Variants in DPP6 observed in about 807,000 individuals in gnomAD.
The protein encoded by DPP6 is A-type potassium channel modulatory protein DPP6.
A neutral mutation model predicts 122.6 loss-of-function variants in DPP6; 69 were observed. The observed-to-expected ratio is 0.56, with a 90% CI of 0.46 to 0.69. DPP6 has a LOEUF of 0.69. DPP6 is among the 30% of genes least tolerant of loss of function. The pLI, the probability that DPP6 is intolerant of heterozygous loss-of-function variation, is 0.00. For synonymous variants in DPP6, 418 were observed against 433.1 expected (o/e 0.97, Z 0.43); for missense variants, 928 against 1,116.9 (o/e 0.83, Z 2.41).
chr7:154,300,630 T>G (rs1805842153), intron 1 of DPP6, among the ~76,000 whole-genome samples: 1 of 152,014 alleles, frequency 6.6e-6, no homozygotes, highest in Admixed American at 6.6e-5. Flanking sequence ...ACACAGGACG[T>G]GTGTATACGT....
chr7:154,390,058 T>C (rs890152622), intron 1 of DPP6, among the ~76,000 whole-genome samples: 1 of 152,218 alleles, frequency 6.6e-6, no homozygotes, highest in African/African-American at 2.4e-5. Flanking sequence ...GGTAGTACAA[T>C]GGTATGAGTG....
chr7:154,480,806 T>C (rs1271203502), intron 3 of DPP6, among the ~76,000 whole-genome samples: 1 of 151,760 alleles, frequency 6.6e-6, no homozygotes, highest in Non-Finnish European at 1.5e-5. Context: ...AAACCAAAAA[T>C]ACAAAAGAAA....
intron 1 of DPP6, among the ~76,000 whole-genome samples, chr7:154,032,176 T>C (rs1017729916): frequency 2.0e-5 from 3 of 152,108 alleles, no homozygotes; most frequent in African/African-American, 7.2e-5. Flanking sequence ...CCCATTCTTA[T>C]AAGCATCAGA....
chr7:154,608,352 G>A (rs1268487933), intron 5 of DPP6, among the ~76,000 whole-genome samples: 2 of 83,874 alleles, frequency 2.4e-5, no homozygotes, highest in African/African-American at 6.9e-5. Flanking sequence ...TTTTGAGATG[G>A]AATCTCGCTC....
At chr7:153,760,808 C>A in the DPP6 span, among the ~76,000 whole-genome samples, 1 of 152,126 alleles carries the variant, frequency 6.6e-6, no homozygotes, top group Admixed American at 6.6e-5. Context: ...TCCAATACTT[C>A]CAGGTTATTC....
rs1469911888 is a variant in DPP6 at position 154,845,840 on chromosome 7, C to T, written c.1667-7940C>T. Among the ~76,000 whole-genome samples the T allele has an allele frequency of 4.6e-5, 7 of 152,162 alleles. No individual in the cohort carries two copies. In the South Asian group the frequency reaches 6.2e-4, roughly 14 times the overall value. ...AACTGTTTCGACTTTCAGTGTAGACCGTATTATTGTTCCCCATGTTTCACA... is the reference window on the plus strand; with the variant it reads ...AACTGTTTCGACTTTCAGTGTAGACTGTATTATTGTTCCCCATGTTTCACA... On this transcript the variant is annotated intron_variant, in intron 16 of 25. Coordinates refer to ENST00000377770, the MANE Select transcript of DPP6 (RefSeq NM_130797.4).
At chr7:153,893,495 G>T (rs536134408) in intron 1 of DPP6, among the ~76,000 whole-genome samples, 2 of 152,238 alleles carry the variant, frequency 1.3e-5, no homozygotes, top group Non-Finnish European at 2.9e-5. Flanking sequence ...AGCATAGGCT[G>T]TGCATTTGTG....
chr7:154,029,964 G>A (rs1342798723), intron 1 of DPP6, among the ~76,000 whole-genome samples: 1 of 152,050 alleles, frequency 6.6e-6, no homozygotes, highest in Non-Finnish European at 1.5e-5. Flanking sequence ...GGGAAGCTGA[G>A]GGGGGCAGAT....
At position 154,063,620 on chromosome 7, in the gene DPP6, G is replaced by A. The variant is rs1178519075; in HGVS notation, c.243+10557G>A. On this transcript the variant is annotated intron_variant, in intron 1 of 25. Transcript: ENST00000377770. ...TCGCAGTGAGGGAGGCACCCCCCAC[G>A]AGGCAGGGACTGAGAGCCACTCCCT... Among the ~76,000 whole-genome samples the A allele has an allele frequency of 5.6e-5, 7 of 125,284 alleles. 1 individual carries two copies. Among genetic ancestry groups the A allele is most frequent in the East Asian group, 2.7e-4 (1 of 3,768 alleles). 82.2% of individuals were successfully genotyped at this position (125,284 alleles called of 152,430 possible).
At chr7:154,105,734 T>C (rs1806109544) in intron 1 of DPP6, among the ~76,000 whole-genome samples, 1 of 152,168 alleles carries the variant, frequency 6.6e-6, no homozygotes, top group Admixed American at 6.5e-5. Context: ...TTGCTGTCTT[T>C]GTCTGCTGCC....
At chr7:154,339,956 C>A (rs1029109691) in intron 1 of DPP6, among the ~76,000 whole-genome samples, 6 of 152,048 alleles carry the variant, frequency 3.9e-5, no homozygotes, top group African/African-American at 1.2e-4. Flanking sequence ...GCCTGTAATT[C>A]CAGCTACTCG....
chr7:154,002,059 T>C (rs1270269252), intron 1 of DPP6, among the ~76,000 whole-genome samples: 1 of 152,224 alleles, frequency 6.6e-6, no homozygotes, highest in Non-Finnish European at 1.5e-5. Context: ...GTTGCCACTC[T>C]ACCAACCCTT....
At chr7:154,526,479 A>G in intron 3 of DPP6, among the ~76,000 whole-genome samples, 1 of 144,192 alleles carries the variant, frequency 6.9e-6, no homozygotes, top group Middle Eastern at 3.8e-3. Context: ...CATCCAACAC[A>G]GTACCCACCA....
At chr7:154,028,630 T>C (rs797013867) in intron 1 of DPP6, among the ~76,000 whole-genome samples, 5,294 of 145,612 alleles carry the variant, frequency 0.036, 119 homozygotes, top group African/African-American at 0.064. Context: ...GCCCTCTTCC[T>C]TTCTTCACAA....
At chr7:154,293,742 A>G (rs1805355431) in intron 1 of DPP6, among the ~76,000 whole-genome samples, 1 of 152,208 alleles carries the variant, frequency 6.6e-6, no homozygotes, top group South Asian at 2.1e-4. Context: ...TTCTGTCTGC[A>G]TTGCTTTGCA....
chr7:154,814,171 G>A (rs79369607), intron 16 of DPP6, among the ~76,000 whole-genome samples: 2,723 of 152,104 alleles, frequency 0.018, 31 homozygotes, highest in Non-Finnish European at 0.029. Flanking sequence ...TTTGAGCCAC[G>A]GTGCCTGGCC....
chr7:154,281,743 G>A (rs1047787767), intron 1 of DPP6, among the ~76,000 whole-genome samples: 1 of 152,118 alleles, frequency 6.6e-6, no homozygotes, highest in African/African-American at 2.4e-5. Context: ...ACTTTGCAAG[G>A]GGCCACGCAG....
the DPP6 span, among the ~76,000 whole-genome samples, chr7:153,803,241 A>G: frequency 5.4e-5 from 8 of 148,664 alleles, no homozygotes; most frequent in South Asian, 2.2e-4. Context: ...AGTGACGGTT[A>G]ACTTAATGTG....
At chr7:154,373,620 G>GT (rs1180451907) in intron 1 of DPP6, among the ~76,000 whole-genome samples, 1 of 152,138 alleles carries the variant, frequency 6.6e-6, no homozygotes, top group Non-Finnish European at 1.5e-5. Context: ...AAATTGTGTT[G>GT]TTGTAGTAGA....
Sources: gnomAD v4.1 joint callset for allele counts (sites outside exome capture counted in the v4.1 genomes callset) on GRCh38, gnomAD v4.1.1 for gene constraint, MANE v1.5 for transcripts, NCBI Gene and HGNC (gene_info 2026-07-23, HGNC 2026-07-21) for gene names.